XRRA1: variants seen among roughly 807,000 people sequenced by gnomAD.
The protein encoded by XRRA1 is X-ray radiation resistance associated 1.
A neutral mutation model predicts 80.2 loss-of-function variants in XRRA1; 69 were observed. The observed-to-expected ratio is 0.86, with a 90% CI of 0.71 to 1.05. The LOEUF is 1.05. Among genes scored for constraint, XRRA1 ranks in the 50% least tolerant of loss-of-function variants. The pLI, the probability that XRRA1 is intolerant of heterozygous loss-of-function variation, is 0.00. For missense variants in XRRA1, 967 were observed against 976.4 expected (o/e 0.99, Z 0.13); for synonymous variants, 348 against 389.9 (o/e 0.89, Z 1.27).
intron 10 of XRRA1, among the ~76,000 whole-genome samples, chr11:74,875,667 G>C (rs746582871): frequency 6.6e-6 from 1 of 152,062 alleles, no homozygotes; most frequent in Non-Finnish European, 1.5e-5. Context: ...TCAGGAGTTC[G>C]AGACCAGCCT....
intron 10 of XRRA1, among the ~76,000 whole-genome samples, chr11:74,872,210 G>T (rs2044960421): frequency 6.6e-6 from 1 of 152,188 alleles, no homozygotes; most frequent in Non-Finnish European, 1.5e-5. Flanking sequence ...TAAACCAAAA[G>T]CCAGATGAGA....
chr11:74,867,027 C>G (rs1188698262), intron 10 of XRRA1, among the ~76,000 whole-genome samples: 1 of 152,170 alleles, frequency 6.6e-6, no homozygotes, highest in African/African-American at 2.4e-5. Context: ...CCCACTTCCA[C>G]TGCCACTGCC....
chr11:74,879,634 G>A (rs1444201192), intron 10 of XRRA1, among the ~76,000 whole-genome samples: 2 of 151,996 alleles, frequency 1.3e-5, no homozygotes, highest in Non-Finnish European at 2.9e-5. Context: ...TTTGAAATAC[G>A]TCCCATCAAT....
intron 10 of XRRA1, among the ~76,000 whole-genome samples, chr11:74,898,671 A>T (rs1591205361): frequency 1.3e-5 from 2 of 152,290 alleles, no homozygotes; most frequent in Admixed American, 1.3e-4. Flanking sequence ...AAAAAAACAA[A>T]GAAGATAATT....
intron 10 of XRRA1, among the ~76,000 whole-genome samples, chr11:74,883,545 T>G (rs559700473): frequency 4.0e-5 from 6 of 151,276 alleles, no homozygotes; most frequent in African/African-American, 1.5e-4. Context: ...GCGGGATTCT[T>G]AATATTCATA....
At chr11:74,941,193 G>T (rs530462951) in intron 2 of XRRA1, among the ~76,000 whole-genome samples, 146 of 152,282 alleles carry the variant, frequency 9.6e-4, no homozygotes, top group African/African-American at 3.2e-3. Context: ...GACTGGGCAA[G>T]TTACTCTACT....
chr11:74,891,753 A>G (rs914355124), intron 10 of XRRA1, among the ~76,000 whole-genome samples: 2 of 152,172 alleles, frequency 1.3e-5, no homozygotes, highest in South Asian at 4.1e-4. Flanking sequence ...ATTCTTATAC[A>G]CCAATAACAG....
At chr11:74,943,471 C>T (rs960663104) in intron 2 of XRRA1, among the ~76,000 whole-genome samples, 1 of 148,490 alleles carries the variant, frequency 6.7e-6, no homozygotes, top group African/African-American at 2.5e-5. Flanking sequence ...AGAAGTTGGG[C>T]AGGCTATGTG....
intron 16 of XRRA1, 73 bp downstream of exon 16, chr11:74,845,000 T>TG (rs2037664821): frequency 6.6e-7 from 1 of 1,503,802 alleles, no homozygotes; most frequent in African/African-American, 1.4e-5. Context: ...GTGCCAGCCT[T>TG]GGCTTGACCC....
chr11:74,888,227 C>G (rs1443190135), intron 10 of XRRA1, among the ~76,000 whole-genome samples: 2 of 152,164 alleles, frequency 1.3e-5, no homozygotes, highest in Admixed American at 6.5e-5. Context: ...GACAAAACTT[C>G]CAGAGGAACG....
In XRRA1 at chr11:74,937,057, A is replaced by G. The variant is rs1591598316; in HGVS notation, c.106T>C (p.Trp36Arg). 1 of 1,613,596 alleles carries G rather than the reference A, an allele frequency of 6.2e-7. No homozygotes were observed. Among genetic ancestry groups the G allele is most frequent in the African/African-American group, 1.3e-5 (1 of 75,004 alleles). ...LRVPEEGQGHWLVVQKGNLKK... is the reference protein window; with the variant it reads ...LRVPEEGQGHRLVVQKGNLKK... ...AGGTTACCTTTCTGAACCACTAACCAGTGTCCTTGGCCTGTTGAGAAAATT... is the reference window on the plus strand; with the variant it reads ...AGGTTACCTTTCTGAACCACTAACCGGTGTCCTTGGCCTGTTGAGAAAATT... Residue 36 changes from tryptophan (W) to arginine (R), a missense_variant, in exon 4 of 19, where the codon TGG becomes CGG. Trp to Arg is a moderately radical substitution (Grantham distance 101). Transcript: ENST00000684022.
rs2036449136 is a variant in XRRA1, at chr11:74,840,994, A to G, written c.*2206T>C. 1 of 152,122 alleles carries G rather than the reference A, an allele frequency of 6.6e-6. No homozygotes were observed. Among genetic ancestry groups the G allele is most frequent in the South Asian group, 2.1e-4 (1 of 4,826 alleles). The allele number at this position is 152,122 out of a possible 1,614,324, so 9.4% of individuals were successfully genotyped here. A position where few individuals can be genotyped will look rare whatever the true frequency, so the allele number is the denominator to read the frequency against. ...TGATTTTTTTCAGTTAGTTAGAGTTAAATGTACCTATAGCCCCTGAATACA... is the reference window on the plus strand; with the variant it reads ...TGATTTTTTTCAGTTAGTTAGAGTTGAATGTACCTATAGCCCCTGAATACA... On this transcript the variant is annotated 3_prime_UTR_variant, in exon 19 of 19. Transcript: ENST00000684022.
At chr11:74,939,680 G>A (rs968218030) in intron 3 of XRRA1, among the ~76,000 whole-genome samples, 1 of 152,194 alleles carries the variant, frequency 6.6e-6, no homozygotes, top group African/African-American at 2.4e-5. Flanking sequence ...ATGGTATTTA[G>A]AAAGCAAGAT....
chr11:74,930,614 C>G (rs1363948900), intron 5 of XRRA1, among the ~76,000 whole-genome samples: 1 of 152,172 alleles, frequency 6.6e-6, no homozygotes, highest in Non-Finnish European at 1.5e-5. Context: ...CATATAACCA[C>G]TATCCAGAGG....
chr11:74,930,404 ATCC>A (rs1254536487), intron 5 of XRRA1, 32 bp from the exon 6 acceptor site: 5 of 1,481,244 alleles, frequency 3.4e-6, no homozygotes, highest in Admixed American at 2.3e-5. Flanking sequence ...AAAAAAAAAA[ATCC>A]ACAAGATTAG....
intron 4 of XRRA1, among the ~76,000 whole-genome samples, chr11:74,936,514 C>T (rs1227125628): frequency 6.6e-6 from 1 of 152,186 alleles, no homozygotes; most frequent in Non-Finnish European, 1.5e-5. Context: ...GAGTTTTTAC[C>T]TCATATAATG....
At chr11:74,896,501 A>G (rs2052352583) in intron 10 of XRRA1, among the ~76,000 whole-genome samples, 1 of 152,174 alleles carries the variant, frequency 6.6e-6, no homozygotes, top group African/African-American at 2.4e-5. Context: ...GCTTAGCTGC[A>G]GTAGAATAGA....
chr11:74,921,677 G>A (rs1940849534), intron 7 of XRRA1, among the ~76,000 whole-genome samples: 1 of 152,152 alleles, frequency 6.6e-6, no homozygotes, highest in East Asian at 1.9e-4. Flanking sequence ...GCCCCCAAAA[G>A]ACAGCTCAAA....
At chr11:74,907,386 G>C in intron 8 of XRRA1, 113 bp from the exon 9 acceptor site, 1 of 1,410,470 alleles carries the variant, frequency 7.1e-7, no homozygotes, top group South Asian at 1.4e-5. Context: ...GCTTAGGAAC[G>C]GTTCTAGTGC....
Sources: allele counts gnomAD v4.1 joint callset (sites outside exome capture counted in the v4.1 genomes callset), GRCh38; gene constraint gnomAD v4.1.1; transcripts MANE v1.5; gene names NCBI Gene and HGNC (gene_info 2026-07-23, HGNC 2026-07-21).